The following RUFY1 variants were observed in gnomAD, a reference collection of about 807,000 sequenced individuals.
RUFY1 encodes RUN and FYVE domain containing 1, also known as RUN and FYVE domain-containing protein 1.
In RUFY1, 54 loss-of-function variants were observed where a neutral mutation model predicts 94.6. The ratio of observed to expected loss-of-function variants is 0.57; its 90% CI spans 0.46 to 0.72. RUFY1 has a LOEUF of 0.72. RUFY1 is among the 30% of genes least tolerant of loss of function. The probability of loss-of-function intolerance (pLI) is 0.00; values close to 1 mark genes in which losing one functional copy is unlikely to be tolerated. For missense variants in RUFY1, 883 were observed against 883.9 expected (o/e 1.00, Z 0.01); for synonymous variants, 396 against 347.3 (o/e 1.14, Z -1.56).
intron 15 of RUFY1, chr5:179,602,297 G>A (rs144446732): frequency 7.5e-5 from 23 of 306,530 alleles, no homozygotes; most frequent in African/African-American, 2.9e-4. Flanking sequence ...TGAGAGGATC[G>A]CTTGGTCAGC....
rs549019398 is a variant in RUFY1, at chr5:179,582,857, A to G, written c.956+1845A>G. On this transcript the variant is annotated intron_variant, in intron 7 of 17. Transcript: ENST00000319449. Reference sequence around the variant, plus strand: ...AAACTCCATCTCAAAAATAAAAATAAAAATAAAAATAAACCTGACTTGCTG... The same window carrying G: ...AAACTCCATCTCAAAAATAAAAATAGAAATAAAAATAAACCTGACTTGCTG... 3.9e-5 allele frequency among the ~76,000 whole-genome samples: 6 copies of G among 152,176 alleles called. No individual in the cohort carries two copies. In the East Asian group the frequency reaches 9.7e-4, roughly 25 times the overall value.
At chr5:179,560,711 G>C (rs1289337686) in intron 2 of RUFY1, among the ~76,000 whole-genome samples, 1 of 119,296 alleles carries the variant, frequency 8.4e-6, no homozygotes. Flanking sequence ...GGGCAACAGA[G>C]CAAGACTCCG....
chr5:179,580,246 T>TATATATATATATATATATATATA (rs1554118967), intron 6 of RUFY1, among the ~76,000 whole-genome samples: 2 of 104,210 alleles, frequency 1.9e-5, no homozygotes, highest in Non-Finnish European at 4.7e-5. Flanking sequence ...TGTGTGTATA[T>TATATATATATATATATATATATA]TTTTTTTTTT....
intron 6 of RUFY1, among the ~76,000 whole-genome samples, chr5:179,579,488 A>G (rs1022313292): frequency 2.0e-5 from 3 of 150,616 alleles, no homozygotes; most frequent in Admixed American, 6.6e-5. Context: ...CCGCCACCTC[A>G]CCTGGCTAAT....
chr5:179,581,536 TTCCCTTTCTGA>T (rs1764161484), intron 7 of RUFY1, among the ~76,000 whole-genome samples: 1 of 151,610 alleles, frequency 6.6e-6, no homozygotes, highest in African/African-American at 2.4e-5. Context: ...AGACATGTTA[TTCCCTTTCTGA>T]GTCCCCTCTA....
At chr5:179,551,024 C>A in intron 1 of RUFY1, 145 bp downstream of exon 1, 1 of 704,642 alleles carries the variant, frequency 1.4e-6, no homozygotes, top group Non-Finnish European at 1.8e-6. Flanking sequence ...CGCCTGGCTG[C>A]GCCTGGGTCT....
At chr5:179,563,882 G>A (rs189035881) in intron 3 of RUFY1, among the ~76,000 whole-genome samples, 1 of 152,138 alleles carries the variant, frequency 6.6e-6, no homozygotes, top group Non-Finnish European at 1.5e-5. Context: ...ATGTTGGCCA[G>A]GCTAGTCTCA....
chr5:179,601,020 T>C (rs1454158712), intron 14 of RUFY1, among the ~76,000 whole-genome samples: 1 of 151,978 alleles, frequency 6.6e-6, no homozygotes, highest in African/African-American at 2.4e-5. Context: ...TTAATGTGGC[T>C]GATGAATGTA....
chr5:179,591,679 G>C lies in RUFY1; in HGVS notation c.1183G>C (p.Gly395Arg). 1 of 1,613,272 alleles carries C rather than the reference G, an allele frequency of 6.2e-7. No homozygotes were observed. The highest frequency in any genetic ancestry group is 8.5e-7 in the Non-Finnish European group (1 of 1,179,756). ...ELETYKQTRQ[G>R]LDEMYSDVWK... Reference sequence around the variant, plus strand: ...GGAGACTTACAAGCAAACTCGGCAAGGTCTGGATGAAATGTACAGTGATGT... The same window carrying C: ...GGAGACTTACAAGCAAACTCGGCAACGTCTGGATGAAATGTACAGTGATGT... Residue 395 changes from glycine to arginine, a missense_variant, in exon 10 of 18, where the codon GGT becomes CGT. Physicochemically the swap from Gly to Arg is moderately radical, Grantham distance 125 (BLOSUM62 -2). Coordinates refer to ENST00000319449, the MANE Select transcript of RUFY1 (RefSeq NM_025158.5).
intron 5 of RUFY1, among the ~76,000 whole-genome samples, chr5:179,571,312 A>G (rs1763207383): frequency 6.6e-6 from 1 of 152,110 alleles, no homozygotes; most frequent in East Asian, 1.9e-4. Flanking sequence ...CCCGGGCAAA[A>G]TAGTGAGACC....
At chr5:179,579,479 C>A (rs1203265760) in intron 6 of RUFY1, among the ~76,000 whole-genome samples, 2 of 151,160 alleles carry the variant, frequency 1.3e-5, no homozygotes. Flanking sequence ...TACAGGCGCC[C>A]GCCACCTCAC....
chr5:179,570,512 A>G (rs1054434273), intron 5 of RUFY1, among the ~76,000 whole-genome samples: 6 of 152,212 alleles, frequency 3.9e-5, no homozygotes, highest in African/African-American at 1.2e-4. Flanking sequence ...CTTCCTGCAT[A>G]GGAGCTGGTG....
At chr5:179,590,142 A>C (rs1764934843) in intron 9 of RUFY1, among the ~76,000 whole-genome samples, 1 of 152,242 alleles carries the variant, frequency 6.6e-6, no homozygotes, top group South Asian at 2.1e-4. Context: ...TCACGAGGCC[A>C]GGAGATCGAG....
chr5:179,601,837 AAAAAAAG>A, intron 14 of RUFY1, 48 bp from the exon 15 acceptor site: 2 of 1,148,748 alleles, frequency 1.7e-6, no homozygotes, highest in South Asian at 1.5e-5. Flanking sequence ...AAAAAAAAAA[AAAAAAAG>A]GACCGTGTAA....
In RUFY1 at chr5:179,598,726, G is replaced by A. The variant is rs1233473051; in HGVS notation, c.1666G>A (p.Glu556Lys). 3 of 1,614,152 alleles carry A rather than the reference G, an allele frequency of 1.9e-6. No individual in the cohort carries two copies. The highest frequency in any genetic ancestry group is 2.2e-5 in the East Asian group (1 of 44,872). ...SLEKELKSEK[E>K]QRQALQRELQ... ...GGAGAAAGAATTGAAATCAGAAAAA[G>A]AGCAAAGACAGGCTCTTCAGCGCGA... Residue 556 changes from glutamate to lysine, a missense_variant, in exon 14 of 18, where the codon GAG becomes AAG. Transcript: ENST00000319449.
chr5:179,601,898 C>G lies in RUFY1; in HGVS notation c.1768C>G (p.Arg590Gly). 2 of 1,604,494 alleles carry G rather than the reference C, an allele frequency of 1.2e-6. No individual in the cohort carries two copies. Among genetic ancestry groups the G allele is most frequent in the Non-Finnish European group, 1.7e-6 (2 of 1,174,900 alleles). ...QQVEGLKKEL[R>G]ELQDEKAELQ... is the part of the protein sequence containing the mutation. ...GTTGGTTTGTTCATTTTAGGAGTTG[C>G]GGGAGCTTCAGGACGAGAAGGCAGA... The change falls in exon 15 of 18, where the codon CGG becomes GGG. Residue 590 changes from arginine (R) to glycine (G), a missense_variant. Transcript: ENST00000319449.
At chr5:179,559,852 T>G in intron 1 of RUFY1, 173 bp from the exon 2 acceptor site, 1 of 1,402,324 alleles carries the variant, frequency 7.1e-7, no homozygotes, top group Non-Finnish European at 9.3e-7. Flanking sequence ...GGCTGTGGCC[T>G]CTAGGGATCA....
intron 7 of RUFY1, among the ~76,000 whole-genome samples, chr5:179,582,892 A>G (rs1764272521): frequency 6.6e-6 from 1 of 152,134 alleles, no homozygotes; most frequent in African/African-American, 2.4e-5. Flanking sequence ...GAAATTTTAT[A>G]GTTTTCTTTC....
intron 14 of RUFY1, among the ~76,000 whole-genome samples, chr5:179,600,646 C>G (rs954384705): frequency 6.8e-6 from 1 of 146,290 alleles, no homozygotes; most frequent in African/African-American, 2.5e-5. Flanking sequence ...TAAAAAGAAG[C>G]TCAAATAGGC....
Sources: gnomAD v4.1 joint callset for allele counts (sites outside exome capture counted in the v4.1 genomes callset) on GRCh38, gnomAD v4.1.1 for gene constraint, MANE v1.5 for transcripts, NCBI Gene and HGNC (gene_info 2026-07-23, HGNC 2026-07-21) for gene names.